The following CXCL13 variants were observed in gnomAD, a reference collection of about 807,000 sequenced individuals.
CXCL13 encodes the protein C-X-C motif chemokine 13.
In CXCL13, 7 loss-of-function variants were observed where a neutral mutation model predicts 12.2. The ratio of observed to expected loss-of-function variants is 0.57; its 90% confidence interval spans 0.33 to 1.07. The LOEUF is 1.07. Among genes scored for constraint, CXCL13 ranks in the 50% least tolerant of loss-of-function variants. The probability of loss-of-function intolerance (pLI) is 0.04; values close to 1 mark genes in which losing one functional copy is unlikely to be tolerated. For missense variants in CXCL13, 113 were observed against 127.4 expected (o/e 0.89, Z 0.55); for synonymous variants, 47 against 42.4 (o/e 1.11, Z -0.42).
chr4:77,579,289 G>T (rs1276704462), intron 1 of CXCL13, among the ~76,000 whole-genome samples: 3 of 152,178 alleles, frequency 2.0e-5, no homozygotes, highest in African/African-American at 7.2e-5. Flanking sequence ...AACCCCCAGA[G>T]GCTCTTAAGG....
At chr4:77,522,623 T>G (rs1459272589) in intron 1 of CXCL13, among the ~76,000 whole-genome samples, 1 of 149,352 alleles carries the variant, frequency 6.7e-6, no homozygotes. Context: ...GAGATGGGTC[T>G]GCTGAATACA....
intron 1 of CXCL13, among the ~76,000 whole-genome samples, chr4:77,554,810 G>A (rs1205471599): frequency 6.6e-6 from 1 of 151,920 alleles, no homozygotes; most frequent in Non-Finnish European, 1.5e-5. Context: ...CAAATGTTTG[G>A]AGATTAAACA....
At chr4:77,548,030 A>G (rs991870497) in intron 1 of CXCL13, among the ~76,000 whole-genome samples, 2 of 151,824 alleles carry the variant, frequency 1.3e-5, no homozygotes, top group African/African-American at 2.4e-5. Context: ...GGGTTGAAAA[A>G]AAATTTTTTT....
At chr4:77,593,010 G>C (rs1306468195) in intron 1 of CXCL13, among the ~76,000 whole-genome samples, 2 of 152,218 alleles carry the variant, frequency 1.3e-5, no homozygotes, top group Non-Finnish European at 2.9e-5. Flanking sequence ...TGGCAGAGCT[G>C]TGGTTTTAAC....
intron 1 of CXCL13, among the ~76,000 whole-genome samples, chr4:77,574,414 T>A (rs1027162073): frequency 9.9e-5 from 15 of 151,930 alleles, no homozygotes; most frequent in Non-Finnish European, 2.1e-4. Context: ...TTTTGTATCA[T>A]GTTACCTCAC....
rs866588733 is a variant in CXCL13 at position 77,585,820 on chromosome 4, G to C, written c.-42-20004G>C. ...AAAGCAGCTGAGTGATCATCTTTCT[G>C]CTTCCATAGGGCACGCGGCAGGCCT... On this transcript the variant is annotated intron_variant, in intron 1 of 4. Transcript: ENST00000286758. Among the ~76,000 whole-genome samples the C allele has an allele frequency of 5.3e-5, 8 of 152,234 alleles. No individual in the cohort carries two copies. In the East Asian group the frequency reaches 1.5e-3, roughly 29 times the overall value.
At chr4:77,553,180 A>T (rs1725576055) in intron 1 of CXCL13, among the ~76,000 whole-genome samples, 1 of 152,140 alleles carries the variant, frequency 6.6e-6, no homozygotes, top group East Asian at 1.9e-4. Context: ...TCTGAGAGAA[A>T]CTATAGCTGT....
At chr4:77,595,332 G>T (rs370150163) in intron 1 of CXCL13, among the ~76,000 whole-genome samples, 2 of 152,126 alleles carry the variant, frequency 1.3e-5, no homozygotes, top group African/African-American at 2.4e-5. Flanking sequence ...TCAGGGCCAG[G>T]ATGTATTGAG....
intron 1 of CXCL13, among the ~76,000 whole-genome samples, chr4:77,593,910 A>G (rs983830230): frequency 6.6e-6 from 1 of 152,222 alleles, no homozygotes; most frequent in African/African-American, 2.4e-5. Flanking sequence ...TCTAACAGCT[A>G]TTAAGGACAG....
chr4:77,548,652 G>A (rs1320215925), intron 1 of CXCL13, among the ~76,000 whole-genome samples: 1 of 152,202 alleles, frequency 6.6e-6, no homozygotes, highest in Non-Finnish European at 1.5e-5. Flanking sequence ...TAAGAATGTG[G>A]AATATTGGCC....
chr4:77,546,450 T>A (rs1725366622), intron 1 of CXCL13, among the ~76,000 whole-genome samples: 1 of 152,226 alleles, frequency 6.6e-6, no homozygotes, highest in Admixed American at 6.5e-5. Flanking sequence ...ATTCAGGGAT[T>A]CAACTTCTTC....
chr4:77,535,429 AG>A (rs1186692774), intron 1 of CXCL13, among the ~76,000 whole-genome samples: 1 of 152,240 alleles, frequency 6.6e-6, no homozygotes, highest in Admixed American at 6.5e-5. Context: ...TATTTTCCAA[AG>A]ATGACTGCAA....
chr4:77,590,524 G>A (rs1726578432), intron 1 of CXCL13, among the ~76,000 whole-genome samples: 1 of 152,184 alleles, frequency 6.6e-6, no homozygotes, highest in South Asian at 2.1e-4. Context: ...ATCAAAATAT[G>A]AATCATAAAC....
At chr4:77,592,009 A>G (rs952096189) in intron 1 of CXCL13, among the ~76,000 whole-genome samples, 2 of 152,248 alleles carry the variant, frequency 1.3e-5, no homozygotes, top group African/African-American at 4.8e-5. Context: ...AGCAACACCA[A>G]AAACATTTCT....
chr4:77,602,103 CTTTA>C (rs1726890544), upstream of CXCL13, among the ~76,000 whole-genome samples: 2 of 152,244 alleles, frequency 1.3e-5, no homozygotes, highest in African/African-American at 4.8e-5. Context: ...CTACAAACTA[CTTTA>C]TTTAATCACT....
intron 1 of CXCL13, among the ~76,000 whole-genome samples, chr4:77,577,400 T>C (rs1560531054): frequency 6.6e-6 from 1 of 151,608 alleles, no homozygotes; most frequent in Admixed American, 6.6e-5. Context: ...TTCTAAGCTT[T>C]GAGTTGAAGC....
chr4:77,601,833 C>A (rs1726885448), upstream of CXCL13, among the ~76,000 whole-genome samples: 1 of 152,154 alleles, frequency 6.6e-6, no homozygotes, highest in South Asian at 2.1e-4. Context: ...ATACTGGTGG[C>A]CTGGGGAAGT....
intron 1 of CXCL13, among the ~76,000 whole-genome samples, chr4:77,575,753 C>T (rs1375552265): frequency 1.3e-5 from 2 of 151,706 alleles, no homozygotes; most frequent in Non-Finnish European, 2.9e-5. Context: ...CAGAGGGCCC[C>T]TAGAGCATTC....
At chr4:77,596,437 A>G (rs1214875289) in intron 1 of CXCL13, among the ~76,000 whole-genome samples, 1 of 152,190 alleles carries the variant, frequency 6.6e-6, no homozygotes, top group African/African-American at 2.4e-5. Flanking sequence ...TAAAAATAGA[A>G]CTATCATACG....
Sources: gnomAD v4.1 joint callset for allele counts (sites outside exome capture counted in the v4.1 genomes callset) on GRCh38, gnomAD v4.1.1 for gene constraint, MANE v1.5 for transcripts, NCBI Gene and HGNC (gene_info 2026-07-23, HGNC 2026-07-21) for gene names.